PRKN: variants seen among roughly 807,000 people sequenced by gnomAD.
PRKN encodes the protein parkin RBR E3 ubiquitin protein ligase.
A neutral mutation model predicts 59.5 loss-of-function variants in PRKN; 56 were observed. The observed-to-expected ratio is 0.94, with a 90% confidence interval of 0.76 to 1.18. The LOEUF (loss-of-function observed/expected upper bound fraction) is 1.18, where lower values mean the gene tolerates loss of function less well. Among genes scored for constraint, PRKN ranks in the 50% most tolerant of loss-of-function variants. PRKN has a pLI of 0.00. For synonymous variants in PRKN, 250 were observed against 222.1 expected, an observed-to-expected ratio of 1.13 and a Z score of -1.12; for missense variants, 657 against 596.4, an observed-to-expected ratio of 1.10 and a Z score of -1.06.
intron 1 of PRKN, among the ~76,000 whole-genome samples, chr6:162,529,873 T>C (rs1177213745): frequency 6.6e-6 from 1 of 152,180 alleles, no homozygotes; most frequent in Non-Finnish European, 1.5e-5. Flanking sequence ...CTCATGCCTG[T>C]AATCCCAGCA....
intron 10 of PRKN, among the ~76,000 whole-genome samples, chr6:161,366,625 A>G (rs1785210001): frequency 6.6e-6 from 1 of 152,200 alleles, no homozygotes; most frequent in Non-Finnish European, 1.5e-5. Flanking sequence ...TATGTAGACA[A>G]GATTGAAAGT....
In PRKN at chr6:162,411,313, A is replaced by G. The variant is rs180847120; in HGVS notation, c.171+31997T>C. On this transcript the variant is annotated intron_variant, in intron 2 of 11. Transcript: ENST00000366898. ...TTCTGATAACAGTAAACCTTGAGAT[A>G]CATGTGTAGCTCTTATACCGGAATG... 6.1e-3 allele frequency among the ~76,000 whole-genome samples: 930 copies of G among 152,336 alleles called. 6 individuals carry two copies. Among genetic ancestry groups the G allele is most frequent in the African/African-American group, 0.019 (778 of 41,580 alleles).
At chr6:162,137,149 T>C (rs1164618079) in intron 4 of PRKN, among the ~76,000 whole-genome samples, 1 of 152,132 alleles carries the variant, frequency 6.6e-6, no homozygotes, top group Non-Finnish European at 1.5e-5. Flanking sequence ...AGCCTTCAGC[T>C]TCAAGTGGGT....
intron 6 of PRKN, among the ~76,000 whole-genome samples, chr6:161,792,027 T>C (rs1247324149): frequency 1.3e-5 from 2 of 152,218 alleles, no homozygotes; most frequent in African/African-American, 4.8e-5. Flanking sequence ...GTGAAGTCCA[T>C]GTAGCAAGAA....
At chr6:162,547,098 T>C (rs1779150979) in intron 1 of PRKN, among the ~76,000 whole-genome samples, 1 of 152,190 alleles carries the variant, frequency 6.6e-6, no homozygotes, top group South Asian at 2.1e-4. Flanking sequence ...TGGTAGCATA[T>C]GCTGAATTTC....
intron 7 of PRKN, among the ~76,000 whole-genome samples, chr6:161,676,884 A>G (rs546220731): frequency 6.6e-6 from 1 of 152,336 alleles, no homozygotes; most frequent in South Asian, 2.1e-4. Flanking sequence ...GGGATGAGAA[A>G]AAAACAGCTC....
At chr6:161,976,052 C>T (rs1781019130) in intron 5 of PRKN, among the ~76,000 whole-genome samples, 1 of 152,024 alleles carries the variant, frequency 6.6e-6, no homozygotes, top group African/African-American at 2.4e-5. Flanking sequence ...ATTACAGGCA[C>T]CCGCCATCAT....
In PRKN at chr6:161,544,511, TTC is replaced by T. The variant is rs1372403341; in HGVS notation, c.1083+4341_1083+4342del. ...TTCACTCAACCATTTATTTTATTCA[TTC>T]ATTCATTCATTCATTCATTCATTCA... On this transcript the variant is annotated intron_variant, in intron 9 of 11. Transcript: ENST00000366898. This position sits in a 1 kb window ranked among gnomAD's most constrained non-coding sequence, Gnocchi z 5.5. Among the ~76,000 whole-genome samples, 1 of 34,412 alleles carries T rather than the reference TTC, an allele frequency of 2.9e-5. No homozygotes were observed. The highest frequency in any genetic ancestry group is 9.0e-5 in the Non-Finnish European group (1 of 11,096). 22.6% of individuals were successfully genotyped at this position (34,412 alleles called of 152,430 possible).
chr6:161,741,812 C>T (rs1186401208), intron 7 of PRKN, among the ~76,000 whole-genome samples: 1 of 152,126 alleles, frequency 6.6e-6, no homozygotes, highest in Non-Finnish European at 1.5e-5. Flanking sequence ...TGTCCCCACC[C>T]AAATCTCATT....
intron 2 of PRKN, among the ~76,000 whole-genome samples, chr6:162,319,951 A>C (rs757797430): frequency 1.1e-4 from 16 of 151,844 alleles, no homozygotes; most frequent in Non-Finnish European, 2.1e-4. Flanking sequence ...ACTTCTCATC[A>C]TTCATCCTAC....
intron 1 of PRKN, among the ~76,000 whole-genome samples, chr6:162,644,813 T>C (rs1156316974): frequency 6.6e-6 from 1 of 152,236 alleles, no homozygotes; most frequent in African/African-American, 2.4e-5. Context: ...TTGGAAATCC[T>C]ATAGATTTGG....
At chr6:161,651,101 A>G (rs1784134343) in intron 7 of PRKN, among the ~76,000 whole-genome samples, 1 of 152,228 alleles carries the variant, frequency 6.6e-6, no homozygotes, top group African/African-American at 2.4e-5. Context: ...TTATCAGGGA[A>G]ATCTAATGCT....
chr6:162,237,958 G>C, intron 3 of PRKN, among the ~76,000 whole-genome samples: 1 of 152,160 alleles, frequency 6.6e-6, no homozygotes, highest in East Asian at 1.9e-4. Context: ...TCCAGGTAGA[G>C]AGCACGTGGT....
chr6:162,243,039 T>A (rs913137697), intron 3 of PRKN, among the ~76,000 whole-genome samples: 2 of 152,102 alleles, frequency 1.3e-5, no homozygotes, highest in African/African-American at 4.8e-5. Flanking sequence ...TCAGCCAATC[T>A]TGCAGACTTG....
At chr6:161,652,549 C>T (rs1416721270) in intron 7 of PRKN, among the ~76,000 whole-genome samples, 1 of 152,142 alleles carries the variant, frequency 6.6e-6, no homozygotes, top group Non-Finnish European at 1.5e-5. Flanking sequence ...CATTCTTAAA[C>T]TACAGTCCAA....
intron 7 of PRKN, among the ~76,000 whole-genome samples, chr6:161,764,348 T>A (rs961710178): frequency 6.6e-6 from 1 of 152,240 alleles, no homozygotes; most frequent in Non-Finnish European, 1.5e-5. Context: ...TGCAGTGTAG[T>A]AGATACTGCC....
chr6:162,558,476 T>C (rs9458587), intron 1 of PRKN, among the ~76,000 whole-genome samples: 46,362 of 151,308 alleles, frequency 0.31, 7,507 homozygotes, highest in East Asian at 0.49. Flanking sequence ...ATTACAGGCA[T>C]GCGCCACCAC....
intron 4 of PRKN, among the ~76,000 whole-genome samples, chr6:162,093,507 T>G (rs7746172): frequency 0.031 from 4,700 of 152,268 alleles, 217 homozygotes; most frequent in African/African-American, 0.1. Context: ...CACTAACCTG[T>G]CTGCCCCTCT....
rs974879182 is a variant in PRKN at position 161,447,958 on chromosome 6, G to A, written c.1084-61081C>T. Among the ~76,000 whole-genome samples, 3 of 152,156 alleles carry A rather than the reference G, an allele frequency of 2.0e-5. No homozygotes were observed. The highest frequency in any genetic ancestry group is 2.1e-4 in the South Asian group (1 of 4,826). Reference sequence around the variant, plus strand: ...GTGACCACTGCTTCCTGATTTTTGTGTTGAGATCTTAGACCTTAACCAGAC... The same window carrying A: ...GTGACCACTGCTTCCTGATTTTTGTATTGAGATCTTAGACCTTAACCAGAC... On this transcript the variant is annotated intron_variant, in intron 9 of 11. Transcript: ENST00000366898. The surrounding 1 kb of genome is among the most constrained non-coding windows in gnomAD (Gnocchi z 4.1).
Sources: allele counts gnomAD v4.1 joint callset (sites outside exome capture counted in the v4.1 genomes callset), GRCh38; gene constraint gnomAD v4.1.1; non-coding constraint Gnocchi (gnomAD v3.1); transcripts MANE v1.5; gene names NCBI Gene and HGNC (gene_info 2026-07-23, HGNC 2026-07-21).